The following PTPN13 variants were observed in gnomAD, a reference collection of about 807,000 sequenced individuals.
PTPN13 encodes protein tyrosine phosphatase non-receptor type 13.
PTPN13 carries 191 observed loss-of-function variants against 284.0 expected under a neutral mutation model. The ratio of observed to expected loss-of-function variants is 0.67; its 90% CI spans 0.60 to 0.76. The LOEUF (loss-of-function observed/expected upper bound fraction) is 0.76. Among genes scored for constraint, PTPN13 ranks in the 30% least tolerant of loss-of-function variants. The probability of loss-of-function intolerance (pLI) is 0.00; values close to 1 mark genes in which losing one functional copy is unlikely to be tolerated. For synonymous variants in PTPN13, 986 were observed against 1,022.3 expected (o/e 0.96, Z 0.68); for missense variants, 2,797 against 2,939.9 (o/e 0.95, Z 1.12).
chr4:86,786,523 G>A (rs28491390), intron 40 of PTPN13, among the ~76,000 whole-genome samples: 15,146 of 152,002 alleles, frequency 0.1, 875 homozygotes, highest in Non-Finnish European at 0.11. Context: ...GGAAGCTTAC[G>A]GCTGATAAGT....
At chr4:86,602,533 G>A (rs924417587) in intron 1 of PTPN13, among the ~76,000 whole-genome samples, 1 of 151,888 alleles carries the variant, frequency 6.6e-6, no homozygotes, top group Non-Finnish European at 1.5e-5. Flanking sequence ...ATGGTTTCTT[G>A]TTTCAAAGTT....
intron 1 of PTPN13, among the ~76,000 whole-genome samples, chr4:86,615,244 A>G (rs1333440210): frequency 6.6e-6 from 1 of 152,164 alleles, no homozygotes; most frequent in Non-Finnish European, 1.5e-5. Flanking sequence ...CTAATAATGC[A>G]GATACAGAAA....
chr4:86,647,061 A>G (rs553626599), intron 2 of PTPN13, among the ~76,000 whole-genome samples: 1 of 152,306 alleles, frequency 6.6e-6, no homozygotes, highest in East Asian at 1.9e-4. Flanking sequence ...TTTAGGGATG[A>G]GAGATGATGA....
intron 7 of PTPN13, among the ~76,000 whole-genome samples, chr4:86,710,507 G>T (rs1315623733): frequency 6.6e-6 from 1 of 152,096 alleles, no homozygotes. Context: ...TTTATATAAG[G>T]CCAGAATATT....
chr4:86,773,455 C>T (rs1021668293), intron 32 of PTPN13, among the ~76,000 whole-genome samples: 12 of 151,812 alleles, frequency 7.9e-5, no homozygotes, highest in Non-Finnish European at 1.2e-4. Flanking sequence ...AGATGGAATC[C>T]TTTACATTGT....
At chr4:86,660,889 A>G (rs1452876584) in intron 2 of PTPN13, among the ~76,000 whole-genome samples, 1 of 152,192 alleles carries the variant, frequency 6.6e-6, no homozygotes, top group African/African-American at 2.4e-5. Flanking sequence ...CCATGCAGTT[A>G]GATAGGAGAG....
chr4:86,646,038 G>C (rs1160070981), intron 2 of PTPN13, among the ~76,000 whole-genome samples: 11 of 151,888 alleles, frequency 7.2e-5, no homozygotes, highest in Admixed American at 2.0e-4. Flanking sequence ...AAGAAAGAAA[G>C]ATGCCCTTTT....
chr4:86,783,617 T>A (rs979296510), intron 37 of PTPN13, among the ~76,000 whole-genome samples: 1 of 152,240 alleles, frequency 6.6e-6, no homozygotes, highest in South Asian at 2.1e-4. Flanking sequence ...TGGAGTTTCA[T>A]AATCCAGTGA....
chr4:86,689,656 G>A (rs77042968), intron 5 of PTPN13: 29,124 of 701,878 alleles, frequency 0.041, 772 homozygotes, highest in African/African-American at 0.06. Context: ...CCTTCTTCTC[G>A]GAACACTGCT....
chr4:86,814,070 C>T (rs1290120708), intron 47 of PTPN13, among the ~76,000 whole-genome samples: 4 of 137,446 alleles, frequency 2.9e-5, no homozygotes, highest in Non-Finnish European at 6.1e-5. Flanking sequence ...TGCAGTGGCA[C>T]AATCTCGGCT....
chr4:86,771,855 T>G lies in PTPN13; in HGVS notation c.5168+320T>G, dbSNP rs113823939. Among the ~76,000 whole-genome samples, 184 of 152,256 alleles carry G rather than the reference T, an allele frequency of 1.2e-3. 2 individuals are homozygous for G. Among genetic ancestry groups the G allele is most frequent in the African/African-American group, 4.2e-3 (174 of 41,550 alleles). On this transcript the variant is annotated intron_variant, in intron 31 of 47. Transcript: ENST00000411767. ...TAGACTTATTTAGGCAGTAACACAG[T>G]GGGAGACTAGGGACCAGAAATATAG...
chr4:86,718,960 T>C (rs1401968375), intron 9 of PTPN13, among the ~76,000 whole-genome samples: 1 of 152,192 alleles, frequency 6.6e-6, no homozygotes, highest in African/African-American at 2.4e-5. Flanking sequence ...AGATCTATGC[T>C]TTACGTTACA....
rs78613152 is a variant in PTPN13, at chr4:86,596,980, T to C, written c.-6+2191T>C. 1.0e-3 allele frequency among the ~76,000 whole-genome samples: 153 copies of C among 152,320 alleles called. 1 individual carries two copies. Among genetic ancestry groups the C allele is most frequent in the East Asian group, 2.7e-3 (14 of 5,188 alleles). On this transcript the variant is annotated intron_variant, in intron 1 of 47. Transcript: ENST00000411767. ...GTCAACATATTCTTGTTTTGGAATATGCTTTGGGAGAACTCTGTGTAGTTC... is the reference window on the plus strand; with the variant it reads ...GTCAACATATTCTTGTTTTGGAATACGCTTTGGGAGAACTCTGTGTAGTTC...
At chr4:86,638,944 T>C (rs1278679242) in intron 2 of PTPN13, among the ~76,000 whole-genome samples, 1 of 152,154 alleles carries the variant, frequency 6.6e-6, no homozygotes, top group Admixed American at 6.5e-5. Context: ...GACAAAGGGC[T>C]AATATCCAGA....
chr4:86,733,693 C>T (rs1204824694), intron 12 of PTPN13, among the ~76,000 whole-genome samples: 3 of 152,106 alleles, frequency 2.0e-5, no homozygotes, highest in Non-Finnish European at 4.4e-5. Flanking sequence ...TGATTCAGTT[C>T]ATCCAAATAT....
Position 86,672,545 on chromosome 4 carries a change from T to A in PTPN13, c.294+2T>A. 1 of 1,593,126 alleles carries A rather than the reference T, an allele frequency of 6.3e-7. No individual in the cohort carries two copies. The highest frequency in any genetic ancestry group is 8.6e-7 in the Non-Finnish European group (1 of 1,168,816). Reference sequence around the variant, plus strand: ...ACTTCTCTCTCAGATGTTGAAAAGGTAACTGTTAAATTTTTTTGTTTGTTT... The same window carrying A: ...ACTTCTCTCTCAGATGTTGAAAAGGAAACTGTTAAATTTTTTTGTTTGTTT... On this transcript the variant is annotated splice_donor_variant, in intron 3 of 47. Coordinates refer to ENST00000411767, the MANE Select transcript of PTPN13 (RefSeq NM_080683.3). LOFTEE classifies it high-confidence loss of function.
At chr4:86,687,668 C>T (rs536332557) in intron 4 of PTPN13, among the ~76,000 whole-genome samples, 43 of 151,680 alleles carry the variant, frequency 2.8e-4, no homozygotes, top group Middle Eastern at 6.9e-3. Context: ...TTTTCTTTTT[C>T]TCTTCAGTTT....
intron 18 of PTPN13, 48 bp from the exon 19 acceptor site, chr4:86,750,979 A>T (rs1578572467): frequency 6.4e-7 from 1 of 1,553,004 alleles, no homozygotes; most frequent in Non-Finnish European, 8.8e-7. Context: ...TTTTCACCAT[A>T]TTTTTTTACA....
intron 3 of PTPN13, among the ~76,000 whole-genome samples, chr4:86,678,602 T>G (rs1286362935): frequency 6.6e-6 from 1 of 152,222 alleles, no homozygotes; most frequent in Non-Finnish European, 1.5e-5. Context: ...ACTCAATAGA[T>G]CTGAAATTAA....
Sources: gnomAD v4.1 joint callset for allele counts (sites outside exome capture counted in the v4.1 genomes callset) on GRCh38, gnomAD v4.1.1 for gene constraint, MANE v1.5 for transcripts, NCBI Gene and HGNC (gene_info 2026-07-23, HGNC 2026-07-21) for gene names.